Variants in PDIA4 observed in about 807,000 individuals in gnomAD.
PDIA4 encodes the protein protein disulfide isomerase family A member 4.
A neutral mutation model predicts 62.1 loss-of-function variants in PDIA4; 33 were observed. That is an observed-to-expected ratio of 0.53 (90% confidence interval 0.40 to 0.71). The LOEUF (loss-of-function observed/expected upper bound fraction) is 0.71. Among genes scored for constraint, PDIA4 ranks in the 30% least tolerant of loss-of-function variants. The pLI, the probability that PDIA4 is intolerant of heterozygous loss-of-function variation, is 0.00. For synonymous variants in PDIA4, 341 were observed against 324.1 expected, an observed-to-expected ratio of 1.05 and a Z score of -0.56; for missense variants, 804 against 813.6, an observed-to-expected ratio of 0.99 and a Z score of 0.14.
In PDIA4 at chr7:149,008,278, G is replaced by A. The variant is rs764659123; in HGVS notation, c.1012C>T (p.His338Tyr). The A allele has an allele frequency of 2.5e-6, 4 of 1,613,700 alleles. No individual in the cohort carries two copies. The highest frequency in any genetic ancestry group is 3.4e-6 in the Non-Finnish European group (4 of 1,179,808). The change falls in exon 7 of 10, where the codon CAC becomes TAC. Residue 338 changes from histidine (H) to tyrosine (Y), a missense_variant. By Grantham distance (83) the His-to-Tyr change is moderately conservative. Transcript: ENST00000652332. ...TTTGCTATTTCTGTGCTGAAAGTGT[G>A]GTGAAATTTGTAATCTTCTCTCAGG... Reference protein sequence around the residue: ...NNLREDYKFHHTFSTEIAKFL... With the variant: ...NNLREDYKFHYTFSTEIAKFL...
rs753564522 is a variant in PDIA4 at position 149,019,121 on chromosome 7, G to T, written c.346C>A (p.Pro116Thr). The T allele has an allele frequency of 6.2e-7, 1 of 1,613,830 alleles. No homozygotes were observed. The highest frequency in any genetic ancestry group is 1.1e-5 in the South Asian group (1 of 91,064). ...GAGGTTGCATCGATCTTGGCAACAG[G>T]AATGGGAGGATCTTTATCCTTTAAT... ...NILKDKDPPI[P>T]VAKIDATSAS... Residue 116 changes from proline (P) to threonine (T), a missense_variant, in exon 3 of 10, where the codon CCT becomes ACT. Pro to Thr is a conservative substitution (Grantham distance 38). Transcript: ENST00000652332.
chr7:149,013,164 C>T (rs1289169148), intron 4 of PDIA4, among the ~76,000 whole-genome samples: 4 of 152,056 alleles, frequency 2.6e-5, no homozygotes, highest in Admixed American at 2.6e-4. Context: ...AGGAGTATCG[C>T]TTGAACCCAG....
At chr7:149,017,531 C>T (rs527887296) in intron 3 of PDIA4, among the ~76,000 whole-genome samples, 1 of 152,184 alleles carries the variant, frequency 6.6e-6, no homozygotes, top group Non-Finnish European at 1.5e-5. Context: ...TTGCGGTGAG[C>T]TGAGATTGCG....
chr7:149,016,484 C>T (rs952122311), intron 3 of PDIA4, among the ~76,000 whole-genome samples: 1 of 151,588 alleles, frequency 6.6e-6, no homozygotes, highest in Non-Finnish European at 1.5e-5. Context: ...TTTATGCATA[C>T]AAAATATCTC....
chr7:149,023,568 C>A (rs187767409), intron 1 of PDIA4, among the ~76,000 whole-genome samples: 122 of 152,080 alleles, frequency 8.0e-4, no homozygotes, highest in Middle Eastern at 3.4e-3. Context: ...ACTCTCACTA[C>A]CTAGCTGCTC....
At chr7:149,020,896 G>T in intron 2 of PDIA4, 71 bp downstream of exon 2, 1 of 1,552,090 alleles carries the variant, frequency 6.4e-7, no homozygotes, top group South Asian at 1.2e-5. Context: ...AGGTCTGGAT[G>T]ACCGGGTGAA....
Position 149,003,800 on chromosome 7 carries a change from C to G in PDIA4, c.1932G>C (p.Glu644Asp). 1 of 1,539,296 alleles carries G rather than the reference C, an allele frequency of 6.5e-7. No individual in the cohort carries two copies. The highest frequency in any genetic ancestry group is 8.8e-7 in the Non-Finnish European group (1 of 1,142,408). Residue 644 changes from glutamate (E) to aspartate (D), a missense_variant, in exon 10 of 10, where the codon GAG becomes GAC. Physicochemically the swap from Glu to Asp is conservative, Grantham distance 45. Transcript: ENST00000652332. ...TTCCGCAGACCTCAGGCCTTCAAAG[C>G]TCTTCCTTGGTCCTGCTCAGTTTTG... ...HATKLSRTKE[E>D]L is the part of the protein sequence containing the mutation.
At chr7:149,018,119 C>T (rs1450464852) in intron 3 of PDIA4, among the ~76,000 whole-genome samples, 1 of 152,078 alleles carries the variant, frequency 6.6e-6, no homozygotes, top group Non-Finnish European at 1.5e-5. Context: ...GTCCCAGCTA[C>T]TCAGGAGCCT....
In PDIA4 at chr7:149,011,897, CGAT is replaced by C; in HGVS notation, c.925_927del (p.Ile309del). On this transcript the variant is annotated inframe_deletion, in exon 6 of 10. Coordinates refer to ENST00000652332, the MANE Select transcript of PDIA4 (RefSeq NM_004911.5). ...GGGTCACTCTCCCCCTTAAAGACCC[CGAT>C]GATGATGACATCGTCTCCATCCTTC... 6.2e-7 allele frequency: 1 copy of C among 1,605,496 alleles called. No homozygotes were observed. Among genetic ancestry groups the C allele is most frequent in the South Asian group, 1.1e-5 (1 of 89,758 alleles).
At position 149,005,130 on chromosome 7, in the gene PDIA4, C is replaced by T; in HGVS notation, c.1522+11G>A. 1 of 1,601,142 alleles carries T rather than the reference C, an allele frequency of 6.2e-7. No homozygotes were observed. Among genetic ancestry groups the T allele is most frequent in the Non-Finnish European group, 8.6e-7 (1 of 1,168,244 alleles). On this transcript the variant is annotated intron_variant, in intron 9 of 9. Coordinates refer to ENST00000652332, the MANE Select transcript of PDIA4 (RefSeq NM_004911.5). ...GCTGATGGGAGACCCCAGCCCCAGC[C>T]ACGGGCTCACCTTTTTTGAAAGCAG...
chr7:149,023,146 G>A (rs964223301), intron 1 of PDIA4, among the ~76,000 whole-genome samples: 9 of 152,132 alleles, frequency 5.9e-5, no homozygotes, highest in Non-Finnish European at 1.3e-4. Flanking sequence ...GACAGCCTGG[G>A]CGCAGGCCCA....
At chr7:149,006,082 GC>G (rs755373843) in intron 7 of PDIA4, 29 bp from the exon 8 acceptor site, 2 of 1,533,238 alleles carry the variant, frequency 1.3e-6, no homozygotes, top group South Asian at 2.6e-5. Flanking sequence ...AGGTGAGGGG[GC>G]CCACCATCTC....
intron 3 of PDIA4, among the ~76,000 whole-genome samples, chr7:149,015,386 G>T (rs1824093484): frequency 6.7e-6 from 1 of 149,606 alleles, no homozygotes; most frequent in African/African-American, 2.5e-5. Flanking sequence ...GATTACATAT[G>T]CCTATGGATA....
intron 6 of PDIA4, among the ~76,000 whole-genome samples, chr7:149,009,725 G>A (rs1323431528): frequency 6.6e-6 from 1 of 152,238 alleles, no homozygotes; most frequent in African/African-American, 2.4e-5. Context: ...CTGCTGCAGT[G>A]TGAAAGCAGC....
At chr7:149,020,498 T>TC (rs994428677) in intron 2 of PDIA4, among the ~76,000 whole-genome samples, 1 of 151,606 alleles carries the variant, frequency 6.6e-6, no homozygotes, top group Non-Finnish European at 1.5e-5. Context: ...GCCTGACTGG[T>TC]CCCCCCGCAG....
chr7:149,026,188 G>A (rs1042823952), intron 1 of PDIA4, among the ~76,000 whole-genome samples: 1 of 152,182 alleles, frequency 6.6e-6, no homozygotes, highest in Non-Finnish European at 1.5e-5. Context: ...TCTATGACAG[G>A]TTTTGACAGT....
In PDIA4 at chr7:149,028,457, C is replaced by T. The variant is rs902267642; in HGVS notation, c.-49G>A. 1 of 1,304,478 alleles carries T rather than the reference C, an allele frequency of 7.7e-7. No individual in the cohort carries two copies. Among genetic ancestry groups the T allele is most frequent in the Non-Finnish European group, 1.0e-6 (1 of 979,790 alleles). 80.8% of individuals were successfully genotyped at this position (1,304,478 alleles called of 1,614,324 possible). On this transcript the variant is annotated 5_prime_UTR_variant, in exon 1 of 10. Transcript: ENST00000652332. ...TCCTAGCGTCGGCGGCCGCTGAGCG[C>T]ACCGAGAACTCGGGGTCTGGCCGAC...
chr7:149,016,398 G>A (rs1824141035), intron 3 of PDIA4, among the ~76,000 whole-genome samples: 2 of 152,170 alleles, frequency 1.3e-5, no homozygotes, highest in South Asian at 2.1e-4. Context: ...TGAAGGTACA[G>A]GATAGTATTT....
intron 3 of PDIA4, among the ~76,000 whole-genome samples, chr7:149,017,686 A>AT (rs1824190941): frequency 6.6e-6 from 1 of 151,772 alleles, no homozygotes; most frequent in African/African-American, 2.4e-5. Flanking sequence ...AATAAAATAC[A>AT]TTTTATCAAA....
Sources: gnomAD v4.1 joint callset for allele counts (sites outside exome capture counted in the v4.1 genomes callset) on GRCh38, gnomAD v4.1.1 for gene constraint, MANE v1.5 for transcripts, NCBI Gene and HGNC (gene_info 2026-07-23, HGNC 2026-07-21) for gene names.